The following XPO4 variants were observed in gnomAD, a reference collection of about 807,000 sequenced individuals.
The protein encoded by XPO4 is exportin-4.
XPO4 carries 39 observed loss-of-function variants against 143.0 expected under a neutral mutation model. The observed-to-expected ratio is 0.27, with a 90% CI of 0.21 to 0.36. The LOEUF (loss-of-function observed/expected upper bound fraction) is 0.36. Ranked by LOEUF, XPO4 falls within the 10% of genes least tolerant of loss-of-function variation. The pLI is 1.00. For missense variants in XPO4, 907 were observed against 1,348.0 expected (o/e 0.67, Z 5.12); for synonymous variants, 439 against 474.0 (o/e 0.93, Z 0.96).
intron 9 of XPO4, 102 bp downstream of exon 9, chr13:20,821,602 C>T (rs2059720624): frequency 2.4e-6 from 3 of 1,271,582 alleles, no homozygotes; most frequent in Non-Finnish European, 3.2e-6. Context: ...TAACAATAGC[C>T]AGCACTCACT....
rs142958385 is a variant in XPO4 at position 20,788,259 on chromosome 13, G to A, written c.3047+227C>T. ...TTTATTAGAGACAGGGTTTCACTGT[G>A]TTGGCCAGGCTGGTCTCGAACTCCT... On this transcript the variant is annotated intron_variant, in intron 20 of 22. Transcript: ENST00000255305. Among the ~76,000 whole-genome samples the A allele has an allele frequency of 1.5e-4, 23 of 152,168 alleles. No individual in the cohort carries two copies. In the East Asian group the frequency reaches 4.4e-3, roughly 29 times the overall value.
intron 4 of XPO4, chr13:20,848,900 T>C: frequency 1.0e-6 from 1 of 985,408 alleles, no homozygotes; most frequent in Non-Finnish European, 1.2e-6. Flanking sequence ...CTTCTTTCAT[T>C]GAAGTACTGA....
At chr13:20,819,443 C>A (rs867512917) in intron 9 of XPO4, among the ~76,000 whole-genome samples, 1 of 151,924 alleles carries the variant, frequency 6.6e-6, no homozygotes, top group Non-Finnish European at 1.5e-5. Flanking sequence ...GGGTGGACTG[C>A]GAGGTCAGGA....
At chr13:20,878,593 T>C (rs1273935749) in intron 1 of XPO4, among the ~76,000 whole-genome samples, 4 of 152,152 alleles carry the variant, frequency 2.6e-5, no homozygotes, top group Non-Finnish European at 5.9e-5. Context: ...CAATACACCA[T>C]TTATATAAAA....
intron 6 of XPO4, among the ~76,000 whole-genome samples, chr13:20,839,290 C>CAT (rs1250542821): frequency 1.3e-5 from 2 of 152,074 alleles, no homozygotes; most frequent in East Asian, 3.9e-4. Context: ...CAAAGGACCA[C>CAT]ATATTATATG....
intron 9 of XPO4, among the ~76,000 whole-genome samples, chr13:20,817,450 C>T (rs1366379088): frequency 6.6e-6 from 1 of 152,198 alleles, no homozygotes; most frequent in Non-Finnish European, 1.5e-5. Context: ...CCTTGTCCTG[C>T]TGGTCTTGAG....
chr13:20,799,082 C>T, intron 16 of XPO4, 83 bp downstream of exon 16: 3 of 1,294,192 alleles, frequency 2.3e-6, no homozygotes, highest in Non-Finnish European at 3.1e-6. Flanking sequence ...ATTTATGTCT[C>T]CAGAGACTCT....
intron 10 of XPO4, 91 bp from the exon 11 acceptor site, chr13:20,809,316 A>T: frequency 6.9e-7 from 1 of 1,440,742 alleles, no homozygotes; most frequent in Non-Finnish European, 9.3e-7. Context: ...TAGATAGCTA[A>T]GCACTGCATA....
chr13:20,895,517 AGCTACTCGGGAG>A (rs2060559984), intron 1 of XPO4, among the ~76,000 whole-genome samples: 1 of 152,022 alleles, frequency 6.6e-6, no homozygotes, highest in Admixed American at 6.6e-5. Flanking sequence ...CTGTAATCCT[AGCTACTCGGGAG>A]GCTGAGGAAG....
chr13:20,877,508 T>C lies in XPO4; in HGVS notation c.70-8807A>G, dbSNP rs537630439. ...GATAGCTGTAGTTCTACTAATCATC[T>C]GGGACCATGAGAAGACTTAAAAGAT... On this transcript the variant is annotated intron_variant, in intron 1 of 22. Transcript: ENST00000255305. Among the ~76,000 whole-genome samples, 120 of 152,340 alleles carry C rather than the reference T, an allele frequency of 7.9e-4. 1 individual carries two copies. Among genetic ancestry groups the C allele is most frequent in the African/African-American group, 2.9e-3 (119 of 41,574 alleles).
At chr13:20,895,729 A>T (rs2060562797) in intron 1 of XPO4, among the ~76,000 whole-genome samples, 1 of 152,094 alleles carries the variant, frequency 6.6e-6, no homozygotes, top group African/African-American at 2.4e-5. Context: ...AAATGGGATC[A>T]TATATTCTAT....
intron 6 of XPO4, among the ~76,000 whole-genome samples, chr13:20,839,565 G>C (rs1480453741): frequency 6.6e-6 from 1 of 152,108 alleles, no homozygotes; most frequent in East Asian, 1.9e-4. Flanking sequence ...GACTGGGCAT[G>C]GTGGCTCATG....
In XPO4 at chr13:20,786,289, A is replaced by G. The variant is rs1415670867; in HGVS notation, c.3258+676T>C. ...TTCTTGGCCATGCTGGGAGGTATATATATATATACGTGTGTGTGTATATAT... is the reference window on the plus strand; with the variant it reads ...TTCTTGGCCATGCTGGGAGGTATATGTATATATACGTGTGTGTGTATATAT... On this transcript the variant is annotated intron_variant, in intron 22 of 22. Transcript: ENST00000255305. 3.6e-5 allele frequency among the ~76,000 whole-genome samples: 4 copies of G among 110,984 alleles called. No individual in the cohort carries two copies. In the Admixed American group the frequency reaches 4.2e-4, roughly 12 times the overall value. The allele number at this position is 110,984 out of a possible 152,430, so 72.8% of individuals were successfully genotyped here.
Position 20,799,096 on chromosome 13 carries a change from G to A in XPO4, c.2322+69C>T, listed in dbSNP as rs1595065455. On this transcript the variant is annotated intron_variant, in intron 16 of 22. Coordinates refer to ENST00000255305, the MANE Select transcript of XPO4 (RefSeq NM_022459.5). ...CATTTATGTCTCCAGAGACTCTTACGGCAACGCATAGATAAAGGAACTACA... is the reference window on the plus strand; with the variant it reads ...CATTTATGTCTCCAGAGACTCTTACAGCAACGCATAGATAAAGGAACTACA... The A allele has an allele frequency of 1.3e-5, 18 of 1,373,496 alleles. No individual in the cohort carries two copies. In the South Asian group the frequency reaches 1.4e-4, roughly 11 times the overall value. 85.1% of individuals were successfully genotyped at this position (1,373,496 alleles called of 1,614,324 possible). A position where few individuals can be genotyped will look rare whatever the true frequency, so the allele number is the denominator to read the frequency against.
chr13:20,850,391 A>C, intron 4 of XPO4: 4 of 482,422 alleles, frequency 8.3e-6, no homozygotes, highest in Non-Finnish European at 1.1e-5. Flanking sequence ...TTTAAACCCA[A>C]GTGTGAATCC....
At chr13:20,847,239 T>C (rs1363608070) in intron 4 of XPO4, among the ~76,000 whole-genome samples, 1 of 152,164 alleles carries the variant, frequency 6.6e-6, no homozygotes, top group African/African-American at 2.4e-5. Context: ...CAACAAAGTA[T>C]TTCTCCCTAT....
intron 9 of XPO4, among the ~76,000 whole-genome samples, chr13:20,820,162 T>C (rs2059701183): frequency 6.6e-6 from 1 of 152,266 alleles, no homozygotes; most frequent in South Asian, 2.1e-4. Flanking sequence ...GTTAGGTTCA[T>C]CTTCACTAGA....
In XPO4 at chr13:20,887,157, A is replaced by C. The variant is rs7330960; in HGVS notation, c.69+15513T>G. Among the ~76,000 whole-genome samples the C allele has an allele frequency of 1.1e-3, 161 of 152,350 alleles. 2 individuals carry two copies. The highest frequency in any genetic ancestry group is 3.7e-3 in the African/African-American group (155 of 41,582). On this transcript the variant is annotated intron_variant, in intron 1 of 22. Transcript: ENST00000255305. ...CCAATCCTATACAGATTTCTTCAAG[A>C]GACTACAAAACAGGAAACACTCCTT...
intron 1 of XPO4, among the ~76,000 whole-genome samples, chr13:20,882,976 C>T (rs1036917185): frequency 6.6e-6 from 1 of 152,058 alleles, no homozygotes; most frequent in African/African-American, 2.4e-5. Context: ...GACCTCTAGA[C>T]ACCACATGAC....
Sources: allele counts gnomAD v4.1 joint callset (sites outside exome capture counted in the v4.1 genomes callset), GRCh38; gene constraint gnomAD v4.1.1; transcripts MANE v1.5; gene names NCBI Gene and HGNC (gene_info 2026-07-23, HGNC 2026-07-21).